IL1RAPL2: variants seen among roughly 807,000 people sequenced by gnomAD.
The protein encoded by IL1RAPL2 is interleukin 1 receptor accessory protein like 2.
A neutral mutation model predicts 44.1 loss-of-function variants in IL1RAPL2; 3 were observed. That is an observed-to-expected ratio of 0.07 (90% CI 0.03 to 0.18). The LOEUF (loss-of-function observed/expected upper bound fraction) is 0.18, where lower values mean the gene tolerates loss of function less well. Among genes scored for constraint, IL1RAPL2 ranks in the 10% least tolerant of loss-of-function variants. The pLI is 1.00. For synonymous variants in IL1RAPL2, 181 were observed against 178.8 expected, an observed-to-expected ratio of 1.01 and a Z score of -0.10; for missense variants, 391 against 496.4, an observed-to-expected ratio of 0.79 and a Z score of 2.02.
At chrX:104,813,860 G>T (rs1921065498) in intron 2 of IL1RAPL2, among the ~76,000 whole-genome samples, 1 of 111,679 alleles carries the variant, frequency 9.0e-6, no homozygotes, top group Admixed American at 9.5e-5. Flanking sequence ...AGCAGCATTT[G>T]GGGAGTTATT....
intron 2 of IL1RAPL2, among the ~76,000 whole-genome samples, chrX:104,997,753 G>T (rs189881649): frequency 8.1e-5 from 9 of 111,526 alleles, no homozygotes; most frequent in East Asian, 5.7e-4. Context: ...TAAAGCTTTG[G>T]ATTTTTAGCT....
At chrX:104,942,102 G>A (rs1427295113) in intron 2 of IL1RAPL2, among the ~76,000 whole-genome samples, 2 of 111,823 alleles carry the variant, frequency 1.8e-5, no homozygotes, top group Admixed American at 9.5e-5. Context: ...GGTTACTGTA[G>A]CCTTGTAGTA....
chrX:104,588,965 G>A (rs1429201823), intron 1 of IL1RAPL2, among the ~76,000 whole-genome samples: 1 of 111,869 alleles, frequency 8.9e-6, no homozygotes, highest in African/African-American at 3.3e-5. Flanking sequence ...TTTTTGTAAT[G>A]GTATGAAATA....
At chrX:104,595,812 A>C (rs1928753077) in intron 1 of IL1RAPL2, among the ~76,000 whole-genome samples, 2 of 112,019 alleles carry the variant, frequency 1.8e-5, no homozygotes, top group Non-Finnish European at 3.8e-5. Context: ...AGTAATATCC[A>C]AGGATCTCTT....
intron 1 of IL1RAPL2, among the ~76,000 whole-genome samples, chrX:104,623,479 G>A (rs141749349): frequency 2.7e-5 from 3 of 110,956 alleles, no homozygotes; most frequent in Non-Finnish European, 5.7e-5. Flanking sequence ...CATAACATTG[G>A]TAGATTGAAA....
intron 6 of IL1RAPL2, among the ~76,000 whole-genome samples, chrX:105,692,663 C>A (rs1307426170): frequency 2.6e-5 from 2 of 77,283 alleles, no homozygotes; most frequent in East Asian, 6.5e-4. Context: ...GAAATGAATG[C>A]TGAATGAAAA....
At chrX:104,879,430 G>T (rs759366031) in intron 2 of IL1RAPL2, among the ~76,000 whole-genome samples, 1 of 98,439 alleles carries the variant, frequency 1.0e-5, no homozygotes, top group East Asian at 3.3e-4. Context: ...ACAGCACTTT[G>T]GTGTCTGCAT....
intron 2 of IL1RAPL2, among the ~76,000 whole-genome samples, chrX:104,795,997 GT>G (rs1463502418): frequency 8.9e-6 from 1 of 112,087 alleles, no homozygotes; most frequent in East Asian, 2.8e-4. Flanking sequence ...ACTTCTCTCT[GT>G]TATGCTAAGC....
intron 6 of IL1RAPL2, among the ~76,000 whole-genome samples, chrX:105,584,130 C>T (rs1468751802): frequency 2.7e-5 from 3 of 110,162 alleles, no homozygotes; most frequent in Non-Finnish European, 3.8e-5. Context: ...TAGTTGAATA[C>T]GTTGTTCAAG....
intron 2 of IL1RAPL2, among the ~76,000 whole-genome samples, chrX:104,800,744 G>A (rs1426713774): frequency 1.8e-5 from 2 of 112,674 alleles, no homozygotes; most frequent in African/African-American, 6.5e-5. Context: ...GTCTGTTAAT[G>A]CACTATCCCC....
chrX:104,628,724 C>T (rs1929570167), intron 1 of IL1RAPL2, among the ~76,000 whole-genome samples: 1 of 111,702 alleles, frequency 9.0e-6, no homozygotes, highest in African/African-American at 3.3e-5. Context: ...TACTGTTTTC[C>T]ACAGTGGCTG....
intron 6 of IL1RAPL2, among the ~76,000 whole-genome samples, chrX:105,529,226 C>G (rs1373613458): frequency 9.0e-6 from 1 of 111,011 alleles, no homozygotes; most frequent in African/African-American, 3.3e-5. Flanking sequence ...TCTGTTTTTT[C>G]CTTTTATTGG....
intron 6 of IL1RAPL2, among the ~76,000 whole-genome samples, chrX:105,595,127 C>G (rs1160667825): frequency 9.0e-6 from 1 of 111,698 alleles, no homozygotes. Context: ...TTTTGATTAC[C>G]TTGTAGAAGA....
rs1806721966 is a variant in IL1RAPL2 at position 105,134,007 on chromosome X, T to C, written c.83-61468T>C. On this transcript the variant is annotated intron_variant, in intron 2 of 10. Coordinates refer to ENST00000372582, the MANE Select transcript of IL1RAPL2 (RefSeq NM_017416.2). ...CAGAAAATAAGACATTCTATCACTTTTCTATTTTAGTAAGATACATTATAG... is the reference window on the plus strand; with the variant it reads ...CAGAAAATAAGACATTCTATCACTTCTCTATTTTAGTAAGATACATTATAG... Among the ~76,000 whole-genome samples the C allele has an allele frequency of 5.4e-5, 6 of 111,923 alleles. No individual in the cohort carries two copies. The South Asian group carries it at 2.2e-3, about 41-fold the overall frequency.
At chrX:104,841,255 C>T (rs773926370) in intron 2 of IL1RAPL2, among the ~76,000 whole-genome samples, 1 of 111,595 alleles carries the variant, frequency 9.0e-6, no homozygotes, top group Non-Finnish European at 1.9e-5. Context: ...TATTCCCCCA[C>T]CCCTTTATTT....
rs1194510789 is a variant in IL1RAPL2, at chrX:104,723,889, A to T, written c.82+64894A>T. Among the ~76,000 whole-genome samples the T allele has an allele frequency of 2.7e-5, 3 of 111,403 alleles. No individual in the cohort carries two copies. In the Admixed American group the frequency reaches 2.9e-4, roughly 11 times the overall value. On this transcript the variant is annotated intron_variant, in intron 2 of 10. Coordinates refer to ENST00000372582, the MANE Select transcript of IL1RAPL2 (RefSeq NM_017416.2). ...TACAGGCTACAAGGTATTGTTGCAG[A>T]AAAAGTAACCCTTTATAAGACAAAT... is the stretch of plus-strand genomic sequence containing the variant.
rs112555303 is a variant in IL1RAPL2, at chrX:105,523,794, GA to G, written c.772+39416del. ...AGGAGTTTTCAATGAAGCCATAAAA[GA>G]AAAAAAAATGATCAGCCTAATTGCC... On this transcript the variant is annotated intron_variant, in intron 6 of 10. Coordinates refer to ENST00000372582, the MANE Select transcript of IL1RAPL2 (RefSeq NM_017416.2). Among the ~76,000 whole-genome samples, 1,046 of 107,783 alleles carry G rather than the reference GA, an allele frequency of 9.7e-3. 9 individuals are homozygous for G. Among genetic ancestry groups the G allele is most frequent in the South Asian group, 0.044 (111 of 2,501 alleles). The allele number at this position is 107,783 out of a possible 115,157, so 93.6% of individuals were successfully genotyped here.
intron 5 of IL1RAPL2, among the ~76,000 whole-genome samples, chrX:105,335,239 A>G (rs2035019149): frequency 9.0e-6 from 1 of 111,382 alleles, no homozygotes; most frequent in Non-Finnish European, 1.9e-5. Context: ...TCTTACCCAG[A>G]TTAGGTACAC....
intron 1 of IL1RAPL2, among the ~76,000 whole-genome samples, chrX:104,572,760 C>T (rs762771513): frequency 2.5e-4 from 27 of 109,742 alleles, no homozygotes; most frequent in Non-Finnish European, 4.7e-4. Context: ...CCACCATGCC[C>T]GGCTAATTTT....
Sources: gnomAD v4.1 joint callset for allele counts (sites outside exome capture counted in the v4.1 genomes callset) on GRCh38, gnomAD v4.1.1 for gene constraint, MANE v1.5 for transcripts, NCBI Gene and HGNC (gene_info 2026-07-23, HGNC 2026-07-21) for gene names.